The following SLC9A9 variants were observed in gnomAD, a reference collection of about 807,000 sequenced individuals.
SLC9A9 encodes the protein solute carrier family 9 member A9.
Under a neutral mutation model 77.8 loss-of-function variants are expected in SLC9A9, and 62 were observed. That is an observed-to-expected ratio of 0.80 (90% CI 0.65 to 0.98). SLC9A9 has a LOEUF of 0.98. Ranked by LOEUF, SLC9A9 falls within the 50% of genes least tolerant of loss-of-function variation. The pLI is 0.00. For missense variants in SLC9A9, 775 were observed against 774.9 expected (o/e 1.00, Z 0.00); for synonymous variants, 320 against 283.5 (o/e 1.13, Z -1.29).
chr3:143,456,349 C>T (rs1201407529), intron 12 of SLC9A9, among the ~76,000 whole-genome samples: 1 of 152,042 alleles, frequency 6.6e-6, no homozygotes, highest in Admixed American at 6.6e-5. Context: ...AAAGATTGGA[C>T]TATAGTTTTA....
chr3:143,680,094 A>G (rs1933036399), intron 5 of SLC9A9, among the ~76,000 whole-genome samples: 1 of 152,122 alleles, frequency 6.6e-6, no homozygotes, highest in Non-Finnish European at 1.5e-5. Flanking sequence ...CAACATATAG[A>G]TAATACGAGT....
chr3:143,360,150 GAC>G (rs1172356778), intron 14 of SLC9A9, among the ~76,000 whole-genome samples: 2 of 152,290 alleles, frequency 1.3e-5, no homozygotes, highest in East Asian at 3.9e-4. Flanking sequence ...TCATGAAATT[GAC>G]ACTTACTAGC....
rs200016305 is a variant in SLC9A9, at chr3:143,291,255, ACTCCCAG to A, written c.1605-22282_1605-22276del. Among the ~76,000 whole-genome samples the A allele has an allele frequency of 9.5e-4, 144 of 151,844 alleles. 2 individuals carry two copies. The East Asian group carries it at 0.024, about 25-fold the overall frequency. Reference sequence around the variant, plus strand: ...TTCTGTCCCCACCTTCCCAGTGTCCACTCCCAGCTGATTTGGCTGTCAGTTTCTGCTC... The same window carrying A: ...TTCTGTCCCCACCTTCCCAGTGTCCACTGATTTGGCTGTCAGTTTCTGCTC... On this transcript the variant is annotated intron_variant, in intron 14 of 15. Coordinates refer to ENST00000316549, the MANE Select transcript of SLC9A9 (RefSeq NM_173653.4).
chr3:143,558,026 A>G (rs1377992257), intron 8 of SLC9A9, among the ~76,000 whole-genome samples: 1 of 152,212 alleles, frequency 6.6e-6, no homozygotes, highest in Non-Finnish European at 1.5e-5. Context: ...CTAGGAGAAA[A>G]AAATGGTTTA....
At chr3:143,461,804 CTT>C (rs2035198637) in intron 12 of SLC9A9, among the ~76,000 whole-genome samples, 1 of 152,134 alleles carries the variant, frequency 6.6e-6, no homozygotes, top group South Asian at 2.1e-4. Flanking sequence ...ATTAAGATAA[CTT>C]AATTATATAT....
intron 7 of SLC9A9, among the ~76,000 whole-genome samples, chr3:143,578,170 G>A (rs1162485231): frequency 6.6e-6 from 1 of 152,136 alleles, no homozygotes; most frequent in Non-Finnish European, 1.5e-5. Context: ...GATTGAATAA[G>A]CCTGAAAAAG....
chr3:143,322,601 G>A (rs1172234588), intron 14 of SLC9A9, among the ~76,000 whole-genome samples: 1 of 118,240 alleles, frequency 8.5e-6, no homozygotes, highest in Non-Finnish European at 1.9e-5. Context: ...AATACAACCA[G>A]GGGAAGAGGC....
intron 14 of SLC9A9, among the ~76,000 whole-genome samples, chr3:143,335,656 T>G (rs2108458955): frequency 6.6e-6 from 1 of 152,190 alleles, no homozygotes; most frequent in South Asian, 2.1e-4. Context: ...GATCACACAA[T>G]GGGGAAAGGA....
chr3:143,478,627 G>A (rs191777374), intron 11 of SLC9A9, among the ~76,000 whole-genome samples: 57 of 152,310 alleles, frequency 3.7e-4, no homozygotes, highest in Non-Finnish European at 7.1e-4. Context: ...CTTAGCACAA[G>A]GCATTTTAAA....
At chr3:143,683,945 T>G (rs1326308980) in intron 5 of SLC9A9, among the ~76,000 whole-genome samples, 1 of 151,858 alleles carries the variant, frequency 6.6e-6, no homozygotes, top group Non-Finnish European at 1.5e-5. Context: ...GATGGAAAAA[T>G]AGCAGCCCCA....
intron 4 of SLC9A9, among the ~76,000 whole-genome samples, chr3:143,712,892 T>G (rs1934235328): frequency 6.6e-6 from 1 of 152,230 alleles, no homozygotes; most frequent in Non-Finnish European, 1.5e-5. Flanking sequence ...CTCCTTTAAA[T>G]GGTTCTTTGT....
chr3:143,335,923 T>C (rs1404472987), intron 14 of SLC9A9, among the ~76,000 whole-genome samples: 1 of 152,146 alleles, frequency 6.6e-6, no homozygotes, highest in Non-Finnish European at 1.5e-5. Flanking sequence ...CTACATCTTC[T>C]ACATAAATTT....
rs142334098 is a variant in SLC9A9 at position 143,346,114 on chromosome 3, C to T, written c.1604+17370G>A. 4.4e-3 allele frequency among the ~76,000 whole-genome samples: 667 copies of T among 152,278 alleles called. 4 individuals carry two copies. The highest frequency in any genetic ancestry group is 0.015 in the African/African-American group (636 of 41,564). ...CTTCGTAGGAGGGCCCAAGCACAGACAAACCCAGCCTTATATATATATTCT... is the reference window on the plus strand; with the variant it reads ...CTTCGTAGGAGGGCCCAAGCACAGATAAACCCAGCCTTATATATATATTCT... On this transcript the variant is annotated intron_variant, in intron 14 of 15. Transcript: ENST00000316549.
chr3:143,312,802 T>A (rs182026949), intron 14 of SLC9A9, among the ~76,000 whole-genome samples: 5 of 152,318 alleles, frequency 3.3e-5, no homozygotes, highest in Admixed American at 2.0e-4. Context: ...CCAGGTTTTG[T>A]CTCTTATACC....
Position 143,757,255 on chromosome 3 carries a change from G to A in SLC9A9, c.533+37746C>T, listed in dbSNP as rs542583801. Reference sequence around the variant, plus strand: ...TCAAAGTCACCAGGCAGATTCAAATGCCTTCAAGTTCCAAGTGGGTAACAT... The same window carrying A: ...TCAAAGTCACCAGGCAGATTCAAATACCTTCAAGTTCCAAGTGGGTAACAT... On this transcript the variant is annotated intron_variant, in intron 4 of 15. Transcript: ENST00000316549. 5.9e-5 allele frequency among the ~76,000 whole-genome samples: 9 copies of A among 152,206 alleles called. No homozygotes were observed. In the South Asian group the frequency reaches 1.7e-3, roughly 28 times the overall value.
intron 1 of SLC9A9, among the ~76,000 whole-genome samples, chr3:143,833,334 G>C (rs1259692716): frequency 1.3e-5 from 2 of 152,136 alleles, no homozygotes; most frequent in Non-Finnish European, 2.9e-5. Flanking sequence ...TAGAATACAG[G>C]CCCAGTCTTA....
chr3:143,589,709 C>T (rs1202852492), intron 6 of SLC9A9, among the ~76,000 whole-genome samples: 11 of 152,170 alleles, frequency 7.2e-5, no homozygotes, highest in African/African-American at 2.7e-4. Context: ...GTATTGTTCT[C>T]AGTTCAGAGA....
chr3:143,386,141 G>A (rs946741264), intron 12 of SLC9A9, among the ~76,000 whole-genome samples: 4 of 152,120 alleles, frequency 2.6e-5, no homozygotes, highest in Admixed American at 6.5e-5. Context: ...AGAAGTTACT[G>A]AGACTTGGAG....
At chr3:143,594,089 A>G (rs908648115) in intron 6 of SLC9A9, among the ~76,000 whole-genome samples, 1 of 152,282 alleles carries the variant, frequency 6.6e-6, no homozygotes, top group East Asian at 1.9e-4. Flanking sequence ...TCTGGATTTT[A>G]AAAAAAGAGC....
Sources: gnomAD v4.1 joint callset for allele counts (sites outside exome capture counted in the v4.1 genomes callset) on GRCh38, gnomAD v4.1.1 for gene constraint, MANE v1.5 for transcripts, NCBI Gene and HGNC (gene_info 2026-07-23, HGNC 2026-07-21) for gene names.